The following RNF220 variants were observed in gnomAD, a reference collection of about 807,000 sequenced individuals.
RNF220 encodes ring finger protein 220.
RNF220 carries 7 observed loss-of-function variants against 67.1 expected under a neutral mutation model. The observed-to-expected ratio is 0.10, with a 90% confidence interval of 0.06 to 0.20. RNF220 has a LOEUF of 0.20. Among genes scored for constraint, RNF220 ranks in the 10% least tolerant of loss-of-function variants. RNF220 has a pLI of 1.00. For synonymous variants in RNF220, 270 were observed against 283.2 expected, an observed-to-expected ratio of 0.95 and a Z score of 0.47; for missense variants, 565 against 740.3, an observed-to-expected ratio of 0.76 and a Z score of 2.75.
At chr1:44,447,784 A>G (rs1188552186) in intron 2 of RNF220, among the ~76,000 whole-genome samples, 1 of 152,168 alleles carries the variant, frequency 6.6e-6, no homozygotes, top group Admixed American at 6.5e-5. Flanking sequence ...TGGGACGTGA[A>G]TAATTCTATG....
At chr1:44,479,644 G>A (rs1655616606) in intron 2 of RNF220, among the ~76,000 whole-genome samples, 1 of 152,138 alleles carries the variant, frequency 6.6e-6, no homozygotes, top group Non-Finnish European at 1.5e-5. Flanking sequence ...ACTTCACCTG[G>A]AAACAGTATC....
intron 2 of RNF220, among the ~76,000 whole-genome samples, chr1:44,454,142 G>A (rs141086082): frequency 4.4e-3 from 676 of 152,252 alleles, no homozygotes; most frequent in Non-Finnish European, 6.5e-3. Flanking sequence ...CCTACACTTT[G>A]AGATCTGCTG....
At chr1:44,528,595 C>A (rs1198733492) in intron 2 of RNF220, among the ~76,000 whole-genome samples, 1 of 143,856 alleles carries the variant, frequency 7.0e-6, no homozygotes, top group Non-Finnish European at 1.5e-5. Flanking sequence ...CCACTGCGCC[C>A]GGCCCTGCAA....
chr1:44,626,362 T>C lies in RNF220; in HGVS notation c.870T>C (p.Ser290=). 6.2e-7 allele frequency: 1 copy of C among 1,613,694 alleles called. No individual in the cohort carries two copies. Among genetic ancestry groups the C allele is most frequent in the Non-Finnish European group, 8.5e-7 (1 of 1,179,844 alleles). The change falls in exon 5 of 15, where the codon TCT becomes TCC. Residue 290 remains serine (S), a synonymous_variant. Transcript: ENST00000361799. ...GESPTASPHS[S]ATDDLHHSDR... is the part of the protein sequence containing the mutation. The stretch of plus-strand genomic sequence containing the variant: ...CTCCAACGGCATCACCCCACTCATC[T>C]GCCACCGATGACCTCCACCATTCAG...
At chr1:44,511,632 A>T (rs754692262) in intron 2 of RNF220, among the ~76,000 whole-genome samples, 3 of 152,272 alleles carry the variant, frequency 2.0e-5, no homozygotes, top group Non-Finnish European at 4.4e-5. Context: ...TTCACAAATC[A>T]GCAAGCCAGG....
chr1:44,580,030 C>CAAAAAAAAAAAAAAA (rs61499825), intron 2 of RNF220, among the ~76,000 whole-genome samples: 52 of 65,252 alleles, frequency 8.0e-4, no homozygotes, highest in East Asian at 1.1e-3. Context: ...CCCTGTCTCA[C>CAAAAAAAAAAAAAAA]AAAAAAAAAA....
intron 1 of RNF220, among the ~76,000 whole-genome samples, chr1:44,408,089 A>T (rs573740911): frequency 4.3e-4 from 66 of 152,292 alleles, no homozygotes; most frequent in Middle Eastern, 3.4e-3. Context: ...AGGTCGGGCC[A>T]AAGAGTAGTG....
At chr1:44,422,541 A>G (rs1323460642) in intron 2 of RNF220, among the ~76,000 whole-genome samples, 1 of 152,144 alleles carries the variant, frequency 6.6e-6, no homozygotes, top group Non-Finnish European at 1.5e-5. Flanking sequence ...CCATCATGGT[A>G]TGGGGAGATT....
rs1660735716 is a variant in RNF220 at position 44,530,334 on chromosome 1, T to TA, written c.626-83830dup. ...AGATGGAGCAAAAACTACAATGGGT[T>TA]ACCACTGTGGGTCACCACCACATAT... On this transcript the variant is annotated intron_variant, in intron 2 of 14. Coordinates refer to ENST00000361799, the MANE Select transcript of RNF220 (RefSeq NM_018150.4). Among the ~76,000 whole-genome samples, 5 of 152,254 alleles carry TA rather than the reference T, an allele frequency of 3.3e-5. 1 individual carries two copies. The highest frequency in any genetic ancestry group is 1.2e-4 in the African/African-American group (5 of 41,560).
chr1:44,635,433 TAA>T lies in RNF220; in HGVS notation c.950-108_950-107del, dbSNP rs894448908. ...GATGAGGGCCAGATCAGGCACTGAATAAAAAGGCCAATGGCTGGCAAGAGGTC... is the reference window on the plus strand; with the variant it reads ...GATGAGGGCCAGATCAGGCACTGAATAAAGGCCAATGGCTGGCAAGAGGTC... On this transcript the variant is annotated intron_variant, in intron 6 of 14. Transcript: ENST00000361799. The T allele has an allele frequency of 4.0e-6, 6 of 1,501,092 alleles. No homozygotes were observed. In the African/African-American group the frequency reaches 8.4e-5, roughly 21 times the overall value. The allele number at this position is 1,501,092 out of a possible 1,614,324, so 93.0% of individuals were successfully genotyped here. A position where few individuals can be genotyped will look rare whatever the true frequency, so the allele number is the denominator to read the frequency against.
At chr1:44,411,777 G>A (rs958743401) in intron 1 of RNF220, among the ~76,000 whole-genome samples, 1 of 151,984 alleles carries the variant, frequency 6.6e-6, no homozygotes, top group African/African-American at 2.4e-5. Context: ...AGTCAGCTAC[G>A]CGTACATCAC....
intron 5 of RNF220, among the ~76,000 whole-genome samples, chr1:44,629,071 C>T (rs770651781): frequency 3.9e-5 from 6 of 152,218 alleles, no homozygotes; most frequent in Admixed American, 6.5e-5. Flanking sequence ...ATGGCCTCAC[C>T]GCATGTTTGG....
At chr1:44,434,711 TC>T (rs1650772940) in intron 2 of RNF220, among the ~76,000 whole-genome samples, 1 of 100,290 alleles carries the variant, frequency 1.0e-5, no homozygotes, top group Non-Finnish European at 2.3e-5. Context: ...AGCGAGACTC[TC>T]TTAAAAAAAA....
intron 2 of RNF220, among the ~76,000 whole-genome samples, chr1:44,534,015 G>T (rs189733177): frequency 1.3e-5 from 2 of 152,304 alleles, no homozygotes; most frequent in East Asian, 1.9e-4. Flanking sequence ...TTGCTCTGTT[G>T]CCCAGGCTAG....
intron 2 of RNF220, among the ~76,000 whole-genome samples, chr1:44,528,288 C>T (rs576424126): frequency 4.6e-5 from 7 of 150,590 alleles, no homozygotes; most frequent in African/African-American, 9.7e-5. Context: ...GATATTTTGC[C>T]GATACAAATT....
At chr1:44,454,246 A>G (rs1443924596) in intron 2 of RNF220, among the ~76,000 whole-genome samples, 1 of 152,156 alleles carries the variant, frequency 6.6e-6, no homozygotes, top group Non-Finnish European at 1.5e-5. Flanking sequence ...TCTGTAAATT[A>G]TTTGAAACTG....
chr1:44,428,588 C>G (rs777886853), intron 2 of RNF220, among the ~76,000 whole-genome samples: 1 of 152,114 alleles, frequency 6.6e-6, no homozygotes, highest in Admixed American at 6.5e-5. Flanking sequence ...GCTTTCGCTC[C>G]CACTCCACTA....
chr1:44,557,467 A>G (rs906057940), intron 2 of RNF220, among the ~76,000 whole-genome samples: 7 of 151,538 alleles, frequency 4.6e-5, no homozygotes, highest in Non-Finnish European at 1.0e-4. Flanking sequence ...AAGGAAGGAG[A>G]GCGAAACTGT....
chr1:44,518,773 G>C (rs1659664558), intron 2 of RNF220, among the ~76,000 whole-genome samples: 1 of 152,022 alleles, frequency 6.6e-6, no homozygotes, highest in Non-Finnish European at 1.5e-5. Flanking sequence ...TACTCGGGAG[G>C]CTGAGGCAGG....
Sources: gnomAD v4.1 joint callset for allele counts (sites outside exome capture counted in the v4.1 genomes callset) on GRCh38, gnomAD v4.1.1 for gene constraint, MANE v1.5 for transcripts, NCBI Gene and HGNC (gene_info 2026-07-23, HGNC 2026-07-21) for gene names.